Variants in ADAM12 observed in about 807,000 individuals in gnomAD.
ADAM12 encodes ADAM metallopeptidase domain 12, also known as disintegrin and metalloproteinase domain-containing protein 12.
Under a neutral mutation model 106.4 loss-of-function variants are expected in ADAM12, and 70 were observed. The observed-to-expected ratio is 0.66, with a 90% CI of 0.54 to 0.80. The LOEUF is 0.80. ADAM12 is among the 30% of genes least tolerant of loss of function. ADAM12 has a pLI of 0.00. For synonymous variants in ADAM12, 420 were observed against 433.5 expected (o/e 0.97, Z 0.39); for missense variants, 1,010 against 1,171.9 (o/e 0.86, Z 2.02).
chr10:126,134,527 T>C (rs970448506), intron 5 of ADAM12, among the ~76,000 whole-genome samples: 3 of 152,204 alleles, frequency 2.0e-5, no homozygotes, highest in Admixed American at 6.5e-5. Context: ...TGTACTTATT[T>C]TTAGTTACAT....
At chr10:126,111,870 T>C (rs548059667) in intron 6 of ADAM12, among the ~76,000 whole-genome samples, 1 of 152,158 alleles carries the variant, frequency 6.6e-6, no homozygotes, top group East Asian at 1.9e-4. Flanking sequence ...GTTTACATTA[T>C]CCCCACGTGA....
At chr10:126,020,468 T>G (rs552307606) in intron 21 of ADAM12, among the ~76,000 whole-genome samples, 11 of 152,252 alleles carry the variant, frequency 7.2e-5, no homozygotes, top group African/African-American at 2.4e-4. Context: ...GTGAGGGAGC[T>G]GGCCAGGGAA....
At chr10:126,052,937 C>T (rs1234432501) in intron 14 of ADAM12, among the ~76,000 whole-genome samples, 1 of 152,076 alleles carries the variant, frequency 6.6e-6, no homozygotes, top group African/African-American at 2.4e-5. Flanking sequence ...GATCTGTGTC[C>T]CCACCAAGTC....
At chr10:126,125,869 G>C (rs1206237460) in intron 5 of ADAM12, among the ~76,000 whole-genome samples, 1 of 151,514 alleles carries the variant, frequency 6.6e-6, no homozygotes, top group African/African-American at 2.4e-5. Flanking sequence ...AGGGAAGAAG[G>C]CCAAGCAAAG....
chr10:126,196,463 G>C (rs1957598387), intron 3 of ADAM12, among the ~76,000 whole-genome samples: 1 of 152,146 alleles, frequency 6.6e-6, no homozygotes, highest in Non-Finnish European at 1.5e-5. Flanking sequence ...GTTTATGTGA[G>C]AGCCATGGCT....
chr10:126,113,159 G>A (rs1955901559), intron 6 of ADAM12, among the ~76,000 whole-genome samples: 1 of 152,204 alleles, frequency 6.6e-6, no homozygotes. Flanking sequence ...CAGTGTTTCA[G>A]GTAGATGGAA....
chr10:126,014,116 G>C lies in ADAM12; in HGVS notation c.*3163C>G, dbSNP rs41305018. On this transcript the variant is annotated 3_prime_UTR_variant, in exon 23 of 23. Transcript: ENST00000448723. ...GCAAGAGGTCGAGGTGCATGAGAAA[G>C]ATCTGGCCCTGCTGCCCTGGCGCCA... 212 of 152,782 alleles carry C rather than the reference G, an allele frequency of 1.4e-3. No individual in the cohort carries two copies. Among genetic ancestry groups the C allele is most frequent in the Middle Eastern group, 3.4e-3 (1 of 292 alleles). 9.5% of individuals were successfully genotyped at this position (152,782 alleles called of 1,614,324 possible). A position where few individuals can be genotyped will look rare whatever the true frequency, so the allele number is the denominator to read the frequency against.
At position 126,163,887 on chromosome 10, in the gene ADAM12, T is replaced by C. The variant is rs551664857; in HGVS notation, c.261-8582A>G. 1.1e-4 allele frequency among the ~76,000 whole-genome samples: 17 copies of C among 152,338 alleles called. No individual in the cohort carries two copies. The East Asian group carries it at 2.3e-3, about 21-fold the overall frequency. ...CGAATGAGAAACTGAATCATTATCA[T>C]AGAAACGCAACCCAATCTGGATAGA... On this transcript the variant is annotated intron_variant, in intron 3 of 22. Coordinates refer to ENST00000448723, the MANE Select transcript of ADAM12 (RefSeq NM_001288973.2).
intron 14 of ADAM12, among the ~76,000 whole-genome samples, chr10:126,050,285 G>C (rs370386340): frequency 9.2e-5 from 14 of 152,308 alleles, no homozygotes; most frequent in Middle Eastern, 3.4e-3. Flanking sequence ...ACGGTTCCCA[G>C]CAAAGAGGGT....
chr10:126,373,509 A>G lies in ADAM12; in HGVS notation c.88+14549T>C, dbSNP rs370529803. Among the ~76,000 whole-genome samples, 15 of 152,328 alleles carry G rather than the reference A, an allele frequency of 9.8e-5. No individual in the cohort carries two copies. In the East Asian group the frequency reaches 2.1e-3, roughly 22 times the overall value. On this transcript the variant is annotated intron_variant, in intron 1 of 22. Coordinates refer to ENST00000448723, the MANE Select transcript of ADAM12 (RefSeq NM_001288973.2). ...AGAATCAAGCTGCCAAGCGGGTTCA[A>G]CTTATTTTCTGTACATTTTTATGAT...
At chr10:126,073,238 A>G (rs985311637) in intron 11 of ADAM12, among the ~76,000 whole-genome samples, 11 of 152,040 alleles carry the variant, frequency 7.2e-5, no homozygotes, top group African/African-American at 2.7e-4. Flanking sequence ...ACAGGCGCCC[A>G]CCACCATGCC....
rs577182450 is a variant in ADAM12 at position 126,043,395 on chromosome 10, G to A, written c.1996-247C>T. Among the ~76,000 whole-genome samples, 1 of 152,226 alleles carries A rather than the reference G, an allele frequency of 6.6e-6. No homozygotes were observed. Among genetic ancestry groups the A allele is most frequent in the Admixed American group, 6.5e-5 (1 of 15,294 alleles). The stretch of plus-strand genomic sequence containing the variant: ...AAAGAGAGTGATGAAGATTATTTGG[G>A]TTCATCAGCTTGCCTCCCCCACCCA... On this transcript the variant is annotated intron_variant, in intron 17 of 22. Transcript: ENST00000448723. This position sits in a 1 kb window ranked among gnomAD's most constrained non-coding sequence, Gnocchi z 4.1.
chr10:126,117,914 G>T, intron 6 of ADAM12, 124 bp downstream of exon 6: 1 of 1,082,196 alleles, frequency 9.2e-7, no homozygotes, highest in Non-Finnish European at 1.4e-6. Flanking sequence ...GATAAACTGG[G>T]CACTTCCATC....
intron 10 of ADAM12, 27 bp from the exon 11 acceptor site, chr10:126,094,160 G>C: frequency 6.2e-7 from 1 of 1,607,220 alleles, no homozygotes; most frequent in Non-Finnish European, 8.5e-7. Context: ...AAGTACAGGT[G>C]TATAATTCAT....
chr10:126,178,469 T>C (rs1174424127), intron 3 of ADAM12, among the ~76,000 whole-genome samples: 1 of 147,374 alleles, frequency 6.8e-6, no homozygotes, highest in Non-Finnish European at 1.5e-5. Context: ...TAAGTAGCAA[T>C]TGAAACATTA....
At chr10:126,061,000 A>T (rs566559517) in intron 14 of ADAM12, among the ~76,000 whole-genome samples, 2 of 152,304 alleles carry the variant, frequency 1.3e-5, no homozygotes, top group East Asian at 3.9e-4. Flanking sequence ...GGTTGGCCCC[A>T]CTGTCCCTTT....
intron 20 of ADAM12, 128 bp downstream of exon 20, chr10:126,038,113 C>A (rs1278251): frequency 3.3e-6 from 3 of 906,526 alleles, no homozygotes; most frequent in Non-Finnish European, 5.2e-6. Context: ...TCAGAGCCTG[C>A]TGACCTAGTG....
chr10:126,278,807 C>A, intron 3 of ADAM12, 108 bp downstream of exon 3: 1 of 724,072 alleles, frequency 1.4e-6, no homozygotes, highest in Non-Finnish European at 2.2e-6. Context: ...ATTACAAATC[C>A]ATGCATTTCG....
At position 126,046,718 on chromosome 10, in the gene ADAM12, G is replaced by A. The variant is rs1054958507; in HGVS notation, c.1918-586C>T. On this transcript the variant is annotated intron_variant, in intron 16 of 22. Coordinates refer to ENST00000448723, the MANE Select transcript of ADAM12 (RefSeq NM_001288973.2). ...CTTGGGAGGCCGAGGCAGGAGAATC[G>A]CTTGAACCAGGGAGTTGGAGGTTGC... Among the ~76,000 whole-genome samples, 13 of 147,386 alleles carry A rather than the reference G, an allele frequency of 8.8e-5. No homozygotes were observed. In the Admixed American group the frequency reaches 9.2e-4, roughly 10 times the overall value.
Sources: gnomAD v4.1 joint callset for allele counts (sites outside exome capture counted in the v4.1 genomes callset) on GRCh38, gnomAD v4.1.1 for gene constraint, Gnocchi (gnomAD v3.1) non-coding constraint, MANE v1.5 for transcripts, NCBI Gene and HGNC (gene_info 2026-07-23, HGNC 2026-07-21) for gene names.